Variants in CPVL observed in about 807,000 individuals in gnomAD.
The protein encoded by CPVL is probable serine carboxypeptidase CPVL.
A neutral mutation model predicts 63.7 loss-of-function variants in CPVL; 51 were observed. The observed-to-expected ratio is 0.80, with a 90% CI of 0.64 to 1.01. The LOEUF is 1.01. Among genes scored for constraint, CPVL ranks in the 50% least tolerant of loss-of-function variants. CPVL has a pLI of 0.00. For synonymous variants in CPVL, 195 were observed against 206.0 expected (o/e 0.95, Z 0.46); for missense variants, 530 against 573.1 (o/e 0.92, Z 0.77).
intron 5 of CPVL, among the ~76,000 whole-genome samples, chr7:29,176,617 G>T (rs1053831689): frequency 2.0e-5 from 3 of 152,106 alleles, no homozygotes; most frequent in Non-Finnish European, 4.4e-5. Context: ...AGCTTTAAAA[G>T]GGTATTTTTT....
intron 3 of CPVL, among the ~76,000 whole-genome samples, chr7:29,112,125 C>A (rs971689307): frequency 6.6e-6 from 1 of 152,206 alleles, no homozygotes; most frequent in African/African-American, 2.4e-5. Flanking sequence ...CTGCCAGAAG[C>A]CTTCCTAGAT....
At chr7:29,056,949 C>CTTTTTTTTT (rs70977101) in intron 11 of CPVL, among the ~76,000 whole-genome samples, 5 of 118,060 alleles carry the variant, frequency 4.2e-5, no homozygotes, top group Admixed American at 1.0e-4. Flanking sequence ...TTTTCCTTTT[C>CTTTTTTTTT]TTTTTTTTTT....
chr7:29,166,058 G>T (rs1795870165), intron 5 of CPVL, among the ~76,000 whole-genome samples: 1 of 152,048 alleles, frequency 6.6e-6, no homozygotes, highest in African/African-American at 2.4e-5. Flanking sequence ...TTTAGACAGG[G>T]TCTCACTCTA....
chr7:29,083,164 A>C lies in CPVL; in HGVS notation c.609+3320T>G, dbSNP rs530523986. 5.9e-5 allele frequency among the ~76,000 whole-genome samples: 9 copies of C among 152,250 alleles called. No homozygotes were observed. In the East Asian group the frequency reaches 1.7e-3, roughly 29 times the overall value. ...AGCTTATAAAGAGAAGAAAGAGAGA[A>C]GTTGCTAGTTCCAGTTACTTGCCAT... On this transcript the variant is annotated intron_variant, in intron 7 of 12. Coordinates refer to ENST00000265394, the MANE Select transcript of CPVL (RefSeq NM_031311.5).
chr7:29,008,634 AGT>A (rs1468333696), intron 12 of CPVL, among the ~76,000 whole-genome samples: 1 of 152,180 alleles, frequency 6.6e-6, no homozygotes, highest in Admixed American at 6.6e-5. Flanking sequence ...ATATAAATGC[AGT>A]GTTTTTCTTT....
At chr7:29,063,890 GA>G (rs1342403079) in intron 11 of CPVL, among the ~76,000 whole-genome samples, 170 bp downstream of exon 11, 2 of 151,114 alleles carry the variant, frequency 1.3e-5, no homozygotes, top group Admixed American at 1.3e-4. Context: ...AAATTAAAAG[GA>G]ACAATATAAA....
At chr7:29,173,167 A>T (rs1796834529) in intron 5 of CPVL, among the ~76,000 whole-genome samples, 1 of 151,716 alleles carries the variant, frequency 6.6e-6, no homozygotes, top group Non-Finnish European at 1.5e-5. Context: ...GATAGTTTTT[A>T]AAAAAACATT....
chr7:28,997,325 G>T (rs1178075853), intron 12 of CPVL, among the ~76,000 whole-genome samples: 1 of 152,172 alleles, frequency 6.6e-6, no homozygotes, highest in Non-Finnish European at 1.5e-5. Flanking sequence ...GCAATTAAAG[G>T]TCACCTTCAC....
At chr7:29,125,140 T>A (rs1789863927) in intron 1 of CPVL, 1 of 152,176 alleles carries the variant, frequency 6.6e-6, no homozygotes, top group African/African-American at 2.4e-5. Flanking sequence ...TCATTCTGCC[T>A]GGAGTACAGT....
At chr7:29,041,659 G>A (rs1789106336) in intron 11 of CPVL, among the ~76,000 whole-genome samples, 1 of 151,958 alleles carries the variant, frequency 6.6e-6, no homozygotes. Flanking sequence ...GGCCCTGCAA[G>A]AGCAAAGAAA....
intron 5 of CPVL, among the ~76,000 whole-genome samples, chr7:29,094,570 G>C (rs181667436): frequency 6.6e-6 from 1 of 152,290 alleles, no homozygotes; most frequent in Non-Finnish European, 1.5e-5. Context: ...AAATGGGCCA[G>C]GCGTGGTGGC....
At chr7:29,096,025 T>C in intron 4 of CPVL, 78 bp downstream of exon 4, 1 of 1,095,456 alleles carries the variant, frequency 9.1e-7, no homozygotes, top group Non-Finnish European at 1.4e-6. Context: ...GTTCAGTGTT[T>C]ACTCTAAATT....
chr7:29,043,550 T>C (rs1020752341), intron 11 of CPVL, among the ~76,000 whole-genome samples: 1 of 152,102 alleles, frequency 6.6e-6, no homozygotes, highest in African/African-American at 2.4e-5. Flanking sequence ...CAGACAAGAA[T>C]CTTCAGAGTG....
intron 3 of CPVL, among the ~76,000 whole-genome samples, chr7:29,100,376 A>G (rs1164885278): frequency 6.6e-6 from 1 of 152,072 alleles, no homozygotes; most frequent in Admixed American, 6.6e-5. Flanking sequence ...TGTGGGGAGG[A>G]GGCCTCATCA....
Position 29,064,168 on chromosome 7 carries a change from C to A in CPVL, c.1030G>T (p.Val344Leu), listed in dbSNP as rs761706669. The A allele has an allele frequency of 6.2e-7, 1 of 1,611,314 alleles. No homozygotes were observed. Among genetic ancestry groups the A allele is most frequent in the Non-Finnish European group, 8.5e-7 (1 of 1,177,448 alleles). Reference protein sequence around the residue: ...SLPEVRQAIHVGNQTFNDGTI... With the variant: ...SLPEVRQAIHLGNQTFNDGTI... Reference sequence around the variant, plus strand: ...CCATCATTAAAAGTCTGATTCCCCACGTGGATGGCTTGTCTCACCTCTGGG... The same window carrying A: ...CCATCATTAAAAGTCTGATTCCCCAAGTGGATGGCTTGTCTCACCTCTGGG... The change falls in exon 11 of 13, where the codon GTG becomes TTG. Residue 344 changes from valine to leucine, a missense_variant. Physicochemically the swap from Val to Leu is conservative, Grantham distance 32. Transcript: ENST00000265394.
chr7:29,131,525 TTTTTG>T (rs1156950881), intron 1 of CPVL, among the ~76,000 whole-genome samples: 5 of 152,192 alleles, frequency 3.3e-5, no homozygotes, highest in South Asian at 2.1e-4. Flanking sequence ...TCTTTGTGTT[TTTTTG>T]TTTTGTTTTG....
intron 11 of CPVL, among the ~76,000 whole-genome samples, chr7:29,044,448 C>G (rs966494669): frequency 3.3e-5 from 5 of 152,032 alleles, no homozygotes; most frequent in African/African-American, 1.2e-4. Flanking sequence ...GTCAGCAAAG[C>G]TTATTTTATT....
At chr7:29,003,153 T>TTC (rs1562717639) in intron 12 of CPVL, among the ~76,000 whole-genome samples, 15 of 93,922 alleles carry the variant, frequency 1.6e-4, no homozygotes, top group Admixed American at 1.0e-3. Flanking sequence ...TATGTGTATG[T>TTC]GCACACACAC....
chr7:29,186,209 T>C (rs1039180603), intron 2 of CPVL, among the ~76,000 whole-genome samples: 3 of 151,952 alleles, frequency 2.0e-5, no homozygotes, highest in Non-Finnish European at 4.4e-5. Flanking sequence ...ACAAGTCCTA[T>C]GAGTTCCCCA....
Sources: allele counts gnomAD v4.1 joint callset (sites outside exome capture counted in the v4.1 genomes callset), GRCh38; gene constraint gnomAD v4.1.1; transcripts MANE v1.5; gene names NCBI Gene and HGNC (gene_info 2026-07-23, HGNC 2026-07-21).